The following SPTBN1 variants were observed in gnomAD, a reference collection of about 807,000 sequenced individuals.
The protein encoded by SPTBN1 is spectrin beta chain, non-erythrocytic 1.
SPTBN1 carries 32 observed loss-of-function variants against 266.4 expected under a neutral mutation model. That is an observed-to-expected ratio of 0.12 (90% CI 0.09 to 0.16). The LOEUF (loss-of-function observed/expected upper bound fraction) is 0.16, where lower values mean the gene tolerates loss of function less well. Among genes scored for constraint, SPTBN1 ranks in the 10% least tolerant of loss-of-function variants. SPTBN1 has a pLI of 1.00. For synonymous variants in SPTBN1, 1,336 were observed against 1,162.2 expected (o/e 1.15, Z -3.04); for missense variants, 2,296 against 3,067.1 (o/e 0.75, Z 5.94).
At position 54,645,788 on chromosome 2, in the gene SPTBN1, T is replaced by C; in HGVS notation, c.4495-140T>C. 1 of 855,056 alleles carries C rather than the reference T, an allele frequency of 1.2e-6. No homozygotes were observed. Among genetic ancestry groups the C allele is most frequent in the Non-Finnish European group, 1.8e-6 (1 of 549,512 alleles). The allele number at this position is 855,056 out of a possible 1,614,324, so 53.0% of individuals were successfully genotyped here. A position where few individuals can be genotyped will look rare whatever the true frequency, so the allele number is the denominator to read the frequency against. On this transcript the variant is annotated intron_variant, in intron 21 of 35. Transcript: ENST00000356805. This position sits in a 1 kb window ranked among gnomAD's most constrained non-coding sequence, Gnocchi z 4.3. ...CCTGTCTCGGAGAACAAGGGCGTGC[T>C]TCCCCAGACAGCCCTCCCGAGGGGG...
intron 2 of SPTBN1, among the ~76,000 whole-genome samples, chr2:54,568,119 C>T (rs887298013): frequency 6.6e-6 from 1 of 152,118 alleles, no homozygotes; most frequent in Non-Finnish European, 1.5e-5. Context: ...TGGTGGCTCA[C>T]GCCTTAATCC....
intron 1 of SPTBN1, among the ~76,000 whole-genome samples, chr2:54,459,028 C>G (rs1023121496): frequency 6.6e-6 from 1 of 152,150 alleles, no homozygotes. Context: ...GTGTTGCGTA[C>G]AGATTTTTAT....
At chr2:54,479,740 A>T (rs1168951972) in intron 1 of SPTBN1, among the ~76,000 whole-genome samples, 1 of 152,264 alleles carries the variant, frequency 6.6e-6, no homozygotes, top group African/African-American at 2.4e-5. Context: ...TGTTTGGCAC[A>T]TAGCTATTCA....
chr2:54,566,667 A>G (rs1673686578), intron 2 of SPTBN1, among the ~76,000 whole-genome samples: 1 of 151,850 alleles, frequency 6.6e-6, no homozygotes, highest in Non-Finnish European at 1.5e-5. Flanking sequence ...CCTGTCTCTA[A>G]TAAAAATACA....
chr2:54,479,842 AT>A (rs1424973034), intron 1 of SPTBN1, among the ~76,000 whole-genome samples: 2 of 149,442 alleles, frequency 1.3e-5, no homozygotes, highest in African/African-American at 2.5e-5. Flanking sequence ...TCTTTATATT[AT>A]TTCTCCCAAG....
At chr2:54,563,242 A>G (rs1033077522) in intron 2 of SPTBN1, among the ~76,000 whole-genome samples, 4 of 152,160 alleles carry the variant, frequency 2.6e-5, no homozygotes, top group East Asian at 1.9e-4. Context: ...AACTGATTCT[A>G]TTGGCTCTGG....
chr2:54,579,397 G>A (rs1674717464), intron 2 of SPTBN1, among the ~76,000 whole-genome samples: 1 of 152,122 alleles, frequency 6.6e-6, no homozygotes. Flanking sequence ...AAATCATACA[G>A]TACCACAAAC....
At chr2:54,611,862 A>G (rs1398976925) in intron 3 of SPTBN1, among the ~76,000 whole-genome samples, 1 of 152,230 alleles carries the variant, frequency 6.6e-6, no homozygotes, top group African/African-American at 2.4e-5. Context: ...TAGCGCTGAA[A>G]TTCTCCATGA....
intron 2 of SPTBN1, among the ~76,000 whole-genome samples, chr2:54,548,061 T>C (rs1181194894): frequency 1.3e-5 from 2 of 152,164 alleles, no homozygotes; most frequent in African/African-American, 4.8e-5. Context: ...GAGAATGGCA[T>C]GAACCCAGGA....
At chr2:54,507,075 C>T (rs2104176195) in intron 1 of SPTBN1, among the ~76,000 whole-genome samples, 1 of 151,994 alleles carries the variant, frequency 6.6e-6, no homozygotes, top group South Asian at 2.1e-4. Flanking sequence ...AGTACATTCT[C>T]AAGGGTGGGG....
At position 54,646,111 on chromosome 2, in the gene SPTBN1, T is replaced by G. The variant is rs1679910310; in HGVS notation, c.4585-83T>G. 17 of 1,603,986 alleles carry G rather than the reference T, an allele frequency of 1.1e-5. No individual in the cohort carries two copies. The African/African-American group carries it at 1.6e-4, about 15-fold the overall frequency. ...CAGAGAGCTTTGAAGCCTTGCTATTTCTTTCTGGCCCTAACAGCTTGACAT... is the reference window on the plus strand; with the variant it reads ...CAGAGAGCTTTGAAGCCTTGCTATTGCTTTCTGGCCCTAACAGCTTGACAT... On this transcript the variant is annotated intron_variant, in intron 22 of 35. Coordinates refer to ENST00000356805, the MANE Select transcript of SPTBN1 (RefSeq NM_003128.3). This position sits in a 1 kb window ranked among gnomAD's most constrained non-coding sequence, Gnocchi z 4.4.
chr2:54,654,264 C>A (rs1680501758), intron 27 of SPTBN1, among the ~76,000 whole-genome samples: 1 of 152,160 alleles, frequency 6.6e-6, no homozygotes, highest in Non-Finnish European at 1.5e-5. Flanking sequence ...GGATTAAAGA[C>A]CACTCTATCC....
At chr2:54,622,834 TA>T (rs1331977950) in intron 9 of SPTBN1, among the ~76,000 whole-genome samples, 1 of 152,208 alleles carries the variant, frequency 6.6e-6, no homozygotes, top group Non-Finnish European at 1.5e-5. Flanking sequence ...TTGTATATTA[TA>T]AGACCCCAGA....
At chr2:54,666,444 CG>C (rs1259697772) in intron 34 of SPTBN1, among the ~76,000 whole-genome samples, 2 of 152,176 alleles carry the variant, frequency 1.3e-5, no homozygotes, top group South Asian at 2.1e-4. Flanking sequence ...CAGCTTATCC[CG>C]ACCCAGGAGA....
intron 10 of SPTBN1, among the ~76,000 whole-genome samples, chr2:54,624,012 A>G (rs776913196): frequency 3.9e-5 from 6 of 152,264 alleles, no homozygotes; most frequent in Non-Finnish European, 7.3e-5. Flanking sequence ...AAGCAATTTT[A>G]ATCATCATGC....
intron 2 of SPTBN1, among the ~76,000 whole-genome samples, chr2:54,531,677 T>C (rs1289491489): frequency 1.3e-5 from 2 of 151,890 alleles, no homozygotes; most frequent in Non-Finnish European, 2.9e-5. Flanking sequence ...ATTACAACAA[T>C]GAATCGGCCA....
At chr2:54,559,328 G>A (rs2104462758) in intron 2 of SPTBN1, among the ~76,000 whole-genome samples, 1 of 152,320 alleles carries the variant, frequency 6.6e-6, no homozygotes, top group South Asian at 2.1e-4. Flanking sequence ...GGGGAGGAGG[G>A]AGGGGTCTTT....
chr2:54,492,341 G>GTTTTTTTTTTT (rs780631106), intron 1 of SPTBN1, among the ~76,000 whole-genome samples: 7 of 88,388 alleles, frequency 7.9e-5, no homozygotes, highest in Non-Finnish European at 1.1e-4. Flanking sequence ...GTCTGCAGTT[G>GTTTTTTTTTTT]TTTTTTTGTT....
chr2:54,482,026 C>G (rs993839515), intron 1 of SPTBN1, among the ~76,000 whole-genome samples: 1 of 152,092 alleles, frequency 6.6e-6, no homozygotes, highest in African/African-American at 2.4e-5. Context: ...ATTGATGAGC[C>G]TGAGGTGTGG....
Sources: gnomAD v4.1 joint callset for allele counts (sites outside exome capture counted in the v4.1 genomes callset) on GRCh38, gnomAD v4.1.1 for gene constraint, Gnocchi (gnomAD v3.1) non-coding constraint, MANE v1.5 for transcripts, NCBI Gene and HGNC (gene_info 2026-07-23, HGNC 2026-07-21) for gene names.